FBN1: variants seen among roughly 807,000 people sequenced by gnomAD.
FBN1 encodes fibrillin-1.
In FBN1, 29 loss-of-function variants were observed where a neutral mutation model predicts 365.1. The observed-to-expected ratio is 0.08, with a 90% CI of 0.06 to 0.11. The LOEUF (loss-of-function observed/expected upper bound fraction) is 0.11, where lower values mean the gene tolerates loss of function less well. Ranked by LOEUF, FBN1 falls within the 10% of genes least tolerant of loss-of-function variation. The probability of loss-of-function intolerance (pLI) is 1.00; values close to 1 mark genes in which losing one functional copy is unlikely to be tolerated. For synonymous variants in FBN1, 1,210 were observed against 1,270.5 expected (o/e 0.95, Z 1.01); for missense variants, 2,476 against 3,703.2 (o/e 0.67, Z 8.60).
intron 6 of FBN1, among the ~76,000 whole-genome samples, chr15:48,581,754 T>TAA (rs2044393773): frequency 1.3e-5 from 2 of 152,006 alleles, no homozygotes; most frequent in Non-Finnish European, 2.9e-5. Context: ...AGAGCTAAAA[T>TAA]TAAAAGATAG....
At chr15:48,454,450 CAACAACAACA>C (rs145761118) in intron 44 of FBN1, among the ~76,000 whole-genome samples, 2,669 of 152,176 alleles carry the variant, frequency 0.018, 54 homozygotes, top group East Asian at 0.08. Flanking sequence ...CAAAACAAAA[CAACAACAACA>C]AACAACAACA....
At chr15:48,504,217 T>C (rs566321615) in intron 16 of FBN1, among the ~76,000 whole-genome samples, 1 of 152,374 alleles carries the variant, frequency 6.6e-6, no homozygotes, top group East Asian at 1.9e-4. Context: ...GCTGGAATTA[T>C]ATCTCACTTA....
intron 6 of FBN1, among the ~76,000 whole-genome samples, chr15:48,571,739 G>A (rs1452826834): frequency 6.6e-6 from 1 of 152,122 alleles, no homozygotes; most frequent in Admixed American, 6.5e-5. Flanking sequence ...GCTTTAAAGT[G>A]CCTGTAGCCA....
intron 2 of FBN1, among the ~76,000 whole-genome samples, chr15:48,621,747 C>T (rs932450418): frequency 1.2e-4 from 18 of 151,832 alleles, no homozygotes; most frequent in African/African-American, 1.9e-4. Flanking sequence ...CCAGTACTTT[C>T]GGAGGCTGAG....
chr15:48,441,180 T>TATA (rs2043111750), intron 50 of FBN1, among the ~76,000 whole-genome samples: 2 of 152,228 alleles, frequency 1.3e-5, no homozygotes, highest in Non-Finnish European at 2.9e-5. Flanking sequence ...TTGAAAATCT[T>TATA]TACTCAAATA....
rs761205556 is a variant in FBN1, at chr15:48,427,621, C to T, written c.7150G>A (p.Val2384Met). The change falls in exon 58 of 66, where the codon GTG becomes ATG. Residue 2384 changes from valine to methionine, a missense_variant. Physicochemically the swap from Val to Met is conservative, Grantham distance 21. Coordinates refer to ENST00000316623, the MANE Select transcript of FBN1 (RefSeq NM_000138.5). ...TGGGGACAGAGTTTCTTGAAAGCCA[C>T]AGTCCCCTGGAAAGGGCAGATCTCA... Reference protein sequence around the residue: ...HCEICPFQGTVAFKKLCPHGR... With the variant: ...HCEICPFQGTMAFKKLCPHGR... 7.4e-6 allele frequency: 12 copies of T among 1,614,176 alleles called. No individual in the cohort carries two copies. The highest frequency in any genetic ancestry group is 1.0e-5 in the Non-Finnish European group (12 of 1,180,004).
chr15:48,495,036 A>G, intron 22 of FBN1, 87 bp downstream of exon 22: 1 of 1,514,910 alleles, frequency 6.6e-7, no homozygotes, highest in Non-Finnish European at 9.1e-7. Flanking sequence ...TTCTCATGTG[A>G]GCCTAGATAA....
chr15:48,512,905 A>G (rs560034276), intron 13 of FBN1, among the ~76,000 whole-genome samples: 1 of 152,206 alleles, frequency 6.6e-6, no homozygotes, highest in Non-Finnish European at 1.5e-5. Context: ...AACTCAGTAC[A>G]TAAGAGTCAT....
At chr15:48,547,366 T>C (rs527717747) in intron 6 of FBN1, among the ~76,000 whole-genome samples, 2 of 152,294 alleles carry the variant, frequency 1.3e-5, no homozygotes, top group South Asian at 4.1e-4. Context: ...GGAACTCCAC[T>C]GCCCCTTTCG....
At chr15:48,526,455 C>T (rs536526769) in intron 8 of FBN1, among the ~76,000 whole-genome samples, 200 bp from the exon 9 acceptor site, 1 of 152,258 alleles carries the variant, frequency 6.6e-6, no homozygotes, top group African/African-American at 2.4e-5. Context: ...AAAGATTTAC[C>T]AAATTCAACA....
intron 2 of FBN1, among the ~76,000 whole-genome samples, chr15:48,627,487 A>T (rs1449696913): frequency 6.6e-6 from 1 of 152,238 alleles, no homozygotes; most frequent in Non-Finnish European, 1.5e-5. Flanking sequence ...TGGCATTGGA[A>T]TGTGTTAGTA....
At chr15:48,447,840 C>T (rs906426292) in intron 46 of FBN1, among the ~76,000 whole-genome samples, 2 of 152,160 alleles carry the variant, frequency 1.3e-5, no homozygotes, top group Non-Finnish European at 2.9e-5. Context: ...TTGAAGACTA[C>T]ACCCAGATGA....
At chr15:48,570,040 G>A (rs528241591) in intron 6 of FBN1, among the ~76,000 whole-genome samples, 54 of 151,826 alleles carry the variant, frequency 3.6e-4, no homozygotes, top group African/African-American at 1.2e-3. Context: ...AGATGCACAC[G>A]TTGTCAACTA....
At chr15:48,600,733 A>G (rs1284548952) in intron 4 of FBN1, among the ~76,000 whole-genome samples, 1 of 152,154 alleles carries the variant, frequency 6.6e-6, no homozygotes, top group East Asian at 1.9e-4. Context: ...ATGCAATGCA[A>G]TTGTTTCTCT....
At chr15:48,516,999 T>C (rs1033187177) in intron 10 of FBN1, among the ~76,000 whole-genome samples, 1 of 152,026 alleles carries the variant, frequency 6.6e-6, no homozygotes, top group Non-Finnish European at 1.5e-5. Context: ...TAGTGCTCAG[T>C]GAAGTAGTAA....
Position 48,501,008 on chromosome 15 carries a change from T to C in FBN1, c.2114-1970A>G, listed in dbSNP as rs187190219. Among the ~76,000 whole-genome samples, 102 of 152,358 alleles carry C rather than the reference T, an allele frequency of 6.7e-4. 1 individual carries two copies. The highest frequency in any genetic ancestry group is 2.1e-3 in the African/African-American group (89 of 41,586). The stretch of plus-strand genomic sequence containing the variant: ...GGATATCCTACATTCGGATGGTTCA[T>C]GACCAAAGAGGTGGAGAAACCAAAT... On this transcript the variant is annotated intron_variant, in intron 17 of 65. Transcript: ENST00000316623.
At chr15:48,594,723 T>C (rs1200201124) in intron 6 of FBN1, among the ~76,000 whole-genome samples, 2 of 152,198 alleles carry the variant, frequency 1.3e-5, no homozygotes, top group Non-Finnish European at 2.9e-5. Flanking sequence ...TTAACCACTT[T>C]GTTAAAATGG....
At chr15:48,429,662 A>G (rs1310302334) in intron 56 of FBN1, among the ~76,000 whole-genome samples, 4 of 152,210 alleles carry the variant, frequency 2.6e-5, no homozygotes, top group Non-Finnish European at 5.9e-5. Context: ...AAATGATTCC[A>G]AAGTGCAGCA....
At chr15:48,545,018 T>C (rs2044084316) in intron 6 of FBN1, among the ~76,000 whole-genome samples, 1 of 152,214 alleles carries the variant, frequency 6.6e-6, no homozygotes, top group Admixed American at 6.5e-5. Flanking sequence ...AAACAGCTTG[T>C]ATGAAATGCC....
Sources: gnomAD v4.1 joint callset for allele counts (sites outside exome capture counted in the v4.1 genomes callset) on GRCh38, gnomAD v4.1.1 for gene constraint, MANE v1.5 for transcripts, NCBI Gene and HGNC (gene_info 2026-07-23, HGNC 2026-07-21) for gene names.